Variants in SLC25A30 observed in about 807,000 individuals in gnomAD.
SLC25A30 encodes kidney mitochondrial carrier protein 1.
A neutral mutation model predicts 42.7 loss-of-function variants in SLC25A30; 29 were observed. The observed-to-expected ratio is 0.68, with a 90% confidence interval of 0.51 to 0.93. SLC25A30 has a LOEUF of 0.93. SLC25A30 is among the 40% of genes least tolerant of loss of function. SLC25A30 has a pLI of 0.00. For missense variants in SLC25A30, 300 were observed against 359.7 expected (o/e 0.83, Z 1.34); for synonymous variants, 124 against 131.0 (o/e 0.95, Z 0.37).
upstream of SLC25A30, among the ~76,000 whole-genome samples, chr13:45,421,938 C>T (rs1399245787): frequency 6.6e-6 from 1 of 152,146 alleles, no homozygotes; most frequent in South Asian, 2.1e-4. Context: ...AGGCACTTCT[C>T]AAGTAGCTGG....
chr13:45,433,792 C>T, the SLC25A30 span, among the ~76,000 whole-genome samples: 36 of 152,192 alleles, frequency 2.4e-4, no homozygotes, highest in African/African-American at 8.7e-4. Flanking sequence ...ATGCATTTTA[C>T]ATAATAATCC....
intron 4 of SLC25A30, 25 bp from the exon 5 acceptor site, chr13:45,404,437 A>C (rs1316596111): frequency 2.0e-6 from 3 of 1,517,264 alleles, no homozygotes; most frequent in Non-Finnish European, 2.7e-6. Flanking sequence ...ACATTATTTG[A>C]CTCTACATAT....
the SLC25A30 span, among the ~76,000 whole-genome samples, chr13:45,429,172 G>A: frequency 1.4e-5 from 2 of 146,162 alleles, no homozygotes; most frequent in South Asian, 2.2e-4. Context: ...GGGTTCCAGC[G>A]ATTCTCAGGC....
upstream of SLC25A30, chr13:45,418,516 G>A (rs540826264): frequency 6.5e-6 from 1 of 152,748 alleles, no homozygotes; most frequent in South Asian, 2.1e-4. Context: ...AGCCCCAGAT[G>A]GGGACACGGA....
At chr13:45,419,355 G>C (rs1022203793), upstream of SLC25A30, among the ~76,000 whole-genome samples, 2 of 151,144 alleles carry the variant, frequency 1.3e-5, no homozygotes, top group Non-Finnish European at 2.9e-5. Context: ...CCTCACTCTT[G>C]TTGCCCAGGC....
At chr13:45,429,154 C>T in the SLC25A30 span, among the ~76,000 whole-genome samples, 2 of 148,074 alleles carry the variant, frequency 1.4e-5, no homozygotes, top group Non-Finnish European at 3.0e-5. Context: ...CTGCAACCTC[C>T]ACCTCCTGGG....
At chr13:45,429,464 A>T in the SLC25A30 span, among the ~76,000 whole-genome samples, 1 of 152,130 alleles carries the variant, frequency 6.6e-6, no homozygotes, top group Non-Finnish European at 1.5e-5. Flanking sequence ...AGAAACTGAA[A>T]AATGGGGTTC....
the SLC25A30 span, among the ~76,000 whole-genome samples, chr13:45,433,299 G>A: frequency 6.6e-6 from 1 of 152,140 alleles, no homozygotes; most frequent in Non-Finnish European, 1.5e-5. Context: ...CATGCTGAGA[G>A]GTTCAAGTAT....
chr13:45,424,941 A>T, the SLC25A30 span, among the ~76,000 whole-genome samples: 40 of 51,956 alleles, frequency 7.7e-4, no homozygotes, highest in African/African-American at 4.3e-3. Context: ...TAAATATTTA[A>T]ATAAATATAT....
chr13:45,433,260 TGGG>T, the SLC25A30 span, among the ~76,000 whole-genome samples: 1 of 152,034 alleles, frequency 6.6e-6, no homozygotes, highest in Non-Finnish European at 1.5e-5. Flanking sequence ...AAAAAGAATT[TGGG>T]GAACTGTAAG....
At chr13:45,401,350 C>T (rs922966671) in intron 6 of SLC25A30, 143 bp from the exon 7 acceptor site, 38 of 792,438 alleles carry the variant, frequency 4.8e-5, no homozygotes, top group African/African-American at 1.9e-4. Flanking sequence ...AGTGACAGAG[C>T]GGAAAAGATC....
chr13:45,419,130 TA>T (rs374462224), upstream of SLC25A30, among the ~76,000 whole-genome samples: 347 of 90,516 alleles, frequency 3.8e-3, no homozygotes, highest in African/African-American at 0.014. Context: ...TACTCCCTCT[TA>T]AAAAAAAAAA....
intron 1 of SLC25A30, among the ~76,000 whole-genome samples, chr13:45,414,912 G>A (rs1883391675): frequency 2.6e-5 from 4 of 152,202 alleles, no homozygotes; most frequent in Admixed American, 2.6e-4. Context: ...AGGCTGACAA[G>A]CCAAGACAGT....
the SLC25A30 span, among the ~76,000 whole-genome samples, chr13:45,432,175 C>T: frequency 4.0e-5 from 6 of 150,312 alleles, no homozygotes; most frequent in Non-Finnish European, 8.8e-5. Flanking sequence ...GAGGCTGAGG[C>T]AGGAGAATCA....
intron 5 of SLC25A30, 65 bp downstream of exon 5, chr13:45,404,262 C>A: frequency 9.1e-7 from 1 of 1,099,980 alleles, no homozygotes; most frequent in Non-Finnish European, 1.4e-6. Flanking sequence ...GATTCCATTA[C>A]CCGAATGTTG....
In SLC25A30 at chr13:45,401,097, C is replaced by T; in HGVS notation, c.600G>A (p.Val200=). 3 of 1,613,350 alleles carry T rather than the reference C, an allele frequency of 1.9e-6. No homozygotes were observed. The highest frequency in any genetic ancestry group is 2.7e-5 in the African/African-American group (2 of 75,002). ...LILSGLMGDT[V]YTHFLSSFTC... is the part of the protein sequence containing the mutation. Reference sequence around the variant, plus strand: ...CATGAACATACAGGAAGTGGGTATACACAGTGTCTCCCATCAGGCCTGAGA... The same window carrying T: ...CATGAACATACAGGAAGTGGGTATATACAGTGTCTCCCATCAGGCCTGAGA... Residue 200 remains valine, a synonymous_variant, in exon 7 of 10, where the codon GTG becomes GTA. Transcript: ENST00000519676.
At chr13:45,427,976 C>T in the SLC25A30 span, among the ~76,000 whole-genome samples, 233 of 151,960 alleles carry the variant, frequency 1.5e-3, 2 homozygotes, top group Non-Finnish European at 2.7e-3. Context: ...CTCCTGACCT[C>T]AAGTGATCCA....
intron 1 of SLC25A30, among the ~76,000 whole-genome samples, chr13:45,416,146 G>T (rs1883511245): frequency 6.6e-6 from 1 of 151,582 alleles, no homozygotes; most frequent in Non-Finnish European, 1.5e-5. Context: ...GGTGGCTCAT[G>T]CCTGTAATCC....
In SLC25A30 at chr13:45,402,262, C is replaced by A; in HGVS notation, c.489+13G>T. 6.3e-7 allele frequency: 1 copy of A among 1,595,094 alleles called. No homozygotes were observed. The highest frequency in any genetic ancestry group is 8.6e-7 in the Non-Finnish European group (1 of 1,163,548). Reference sequence around the variant, plus strand: ...AACTAAATAAATCAGTTCGATCCATCCTTCTGGCTTACCTTCCACAGTCCT... The same window carrying A: ...AACTAAATAAATCAGTTCGATCCATACTTCTGGCTTACCTTCCACAGTCCT... On this transcript the variant is annotated intron_variant, in intron 6 of 9. Transcript: ENST00000519676.
Sources: gnomAD v4.1 joint callset for allele counts (sites outside exome capture counted in the v4.1 genomes callset) on GRCh38, gnomAD v4.1.1 for gene constraint, MANE v1.5 for transcripts, NCBI Gene and HGNC (gene_info 2026-07-23, HGNC 2026-07-21) for gene names.